DNAI3: variants seen among roughly 807,000 people sequenced by gnomAD.
DNAI3 encodes the protein dynein axonemal intermediate chain 3, also known as WD repeat domain 63.
In DNAI3, 83 loss-of-function variants were observed where a neutral mutation model predicts 115.5. That is an observed-to-expected ratio of 0.72 (90% CI 0.60 to 0.86). The LOEUF (loss-of-function observed/expected upper bound fraction) is 0.86, where lower values mean the gene tolerates loss of function less well. Among genes scored for constraint, DNAI3 ranks in the 40% least tolerant of loss-of-function variants. DNAI3 has a pLI of 0.00. For missense variants in DNAI3, 1,004 were observed against 1,075.8 expected, an observed-to-expected ratio of 0.93 and a Z score of 0.93; for synonymous variants, 320 against 347.0, an observed-to-expected ratio of 0.92 and a Z score of 0.86.
chr1:85,113,897 C>G (rs1156476913), intron 16 of DNAI3, among the ~76,000 whole-genome samples: 1 of 152,024 alleles, frequency 6.6e-6, no homozygotes, highest in Non-Finnish European at 1.5e-5. Context: ...AGGTCTTTCA[C>G]CTCTTTTGAC....
At chr1:85,110,778 A>G (rs899657126) in intron 16 of DNAI3, among the ~76,000 whole-genome samples, 1 of 152,206 alleles carries the variant, frequency 6.6e-6, no homozygotes, top group African/African-American at 2.4e-5. Flanking sequence ...ATGCTATAGG[A>G]TGGAACACAT....
chr1:85,120,238 T>G (rs531801614), intron 17 of DNAI3, among the ~76,000 whole-genome samples: 1 of 152,234 alleles, frequency 6.6e-6, no homozygotes, highest in Non-Finnish European at 1.5e-5. Flanking sequence ...CTACTTTGGA[T>G]AGAGATGTTC....
At position 85,097,831 on chromosome 1, in the gene DNAI3, G is replaced by A. The variant is rs1655169207; in HGVS notation, c.1350+176G>A. ...TGAACATGTTCTGAATCACTTTTAT[G>A]TGGGCCCTTGATTAAAACACAATGA... is the stretch of plus-strand genomic sequence containing the variant. On this transcript the variant is annotated intron_variant, in intron 12 of 22. Transcript: ENST00000294664. Among the ~76,000 whole-genome samples, 4 of 152,036 alleles carry A rather than the reference G, an allele frequency of 2.6e-5. No individual in the cohort carries two copies. The South Asian group carries it at 8.3e-4, about 32-fold the overall frequency.
intron 16 of DNAI3, among the ~76,000 whole-genome samples, chr1:85,115,980 A>G (rs1281620414): frequency 6.6e-6 from 1 of 151,874 alleles, no homozygotes; most frequent in African/African-American, 2.4e-5. Flanking sequence ...AACTCAGCCT[A>G]TTTTCTTGGA....
chr1:85,121,574 T>A (rs756222666), intron 17 of DNAI3, among the ~76,000 whole-genome samples, 177 bp from the exon 18 acceptor site: 1 of 152,254 alleles, frequency 6.6e-6, no homozygotes, highest in Non-Finnish European at 1.5e-5. Context: ...TTCTTCAATA[T>A]AAAATTGAGT....
intron 13 of DNAI3, 119 bp from the exon 14 acceptor site, chr1:85,104,405 G>C: frequency 1.3e-6 from 1 of 788,446 alleles, no homozygotes; most frequent in Non-Finnish European, 2.0e-6. Flanking sequence ...ACAGGCGTGA[G>C]CCACTGCCCC....
At chr1:85,082,704 C>G (rs1325151067) in intron 5 of DNAI3, among the ~76,000 whole-genome samples, 1 of 152,124 alleles carries the variant, frequency 6.6e-6, no homozygotes, top group Non-Finnish European at 1.5e-5. Context: ...GGTACCTCTG[C>G]GGGGATCCCT....
At chr1:85,092,794 TACACAC>T (rs58308443) in intron 8 of DNAI3, among the ~76,000 whole-genome samples, 9,069 of 145,270 alleles carry the variant, frequency 0.062, 323 homozygotes, top group East Asian at 0.2. Flanking sequence ...CAACTAAAAC[TACACAC>T]ACACACACAC....
chr1:85,088,698 T>C (rs150418576), intron 7 of DNAI3, among the ~76,000 whole-genome samples: 18 of 152,266 alleles, frequency 1.2e-4, no homozygotes, highest in African/African-American at 3.6e-4. Context: ...GAAAGCCCAA[T>C]GTTTCGGGCA....
At chr1:85,128,944 T>C in intron 21 of DNAI3, 145 bp downstream of exon 21, 1 of 718,604 alleles carries the variant, frequency 1.4e-6, no homozygotes, top group Non-Finnish European at 2.3e-6. Flanking sequence ...GTATTTCTGT[T>C]GTATGAGTTA....
chr1:85,120,326 G>A (rs1655960862), intron 17 of DNAI3, among the ~76,000 whole-genome samples: 1 of 152,232 alleles, frequency 6.6e-6, no homozygotes, highest in African/African-American at 2.4e-5. Flanking sequence ...AGAGAAGACA[G>A]GCAGGCGGTG....
At chr1:85,120,087 AC>A (rs1301006141) in intron 17 of DNAI3, among the ~76,000 whole-genome samples, 1 of 152,172 alleles carries the variant, frequency 6.6e-6, no homozygotes, top group Non-Finnish European at 1.5e-5. Flanking sequence ...CTCAACAGAT[AC>A]TCACTGCACA....
chr1:85,066,505 T>G (rs897472888), intron 1 of DNAI3, among the ~76,000 whole-genome samples: 6 of 151,888 alleles, frequency 4.0e-5, no homozygotes, highest in African/African-American at 1.5e-4. Flanking sequence ...TTTTTTGTAT[T>G]TTTAATAGAG....
In DNAI3 at chr1:85,096,033, AT is replaced by A. The variant is rs781760173; in HGVS notation, c.1263+20del. 6.2e-7 allele frequency: 1 copy of A among 1,612,166 alleles called. No homozygotes were observed. Among genetic ancestry groups the A allele is most frequent in the Middle Eastern group, 1.7e-4 (1 of 6,054 alleles). On this transcript the variant is annotated intron_variant, in intron 11 of 22. Coordinates refer to ENST00000294664, the MANE Select transcript of DNAI3 (RefSeq NM_145172.5). Reference sequence around the variant, plus strand: ...TATCAATGGGCAGGTACTTAACAGAATTTTTTTCAGCTATGTATTAATGTAG... The same window carrying A: ...TATCAATGGGCAGGTACTTAACAGAATTTTTTCAGCTATGTATTAATGTAG...
chr1:85,108,015 T>C lies in DNAI3; in HGVS notation c.1554-18T>C, dbSNP rs746326948. The C allele has an allele frequency of 1.4e-6, 2 of 1,427,168 alleles. No individual in the cohort carries two copies. Among genetic ancestry groups the C allele is most frequent in the South Asian group, 2.8e-5 (2 of 71,162 alleles). The allele number at this position is 1,427,168 out of a possible 1,614,324, so 88.4% of individuals were successfully genotyped here. On this transcript the variant is annotated intron_variant, in intron 14 of 22. Transcript: ENST00000294664. ...TCTTGTTTGTACTTAATAAAAAATATATATAAATTTTTTTTAGCACAATAT... is the reference window on the plus strand; with the variant it reads ...TCTTGTTTGTACTTAATAAAAAATACATATAAATTTTTTTTAGCACAATAT...
At chr1:85,069,383 CTTTA>C (rs1230335990) in intron 1 of DNAI3, among the ~76,000 whole-genome samples, 1 of 151,504 alleles carries the variant, frequency 6.6e-6, no homozygotes, top group African/African-American at 2.4e-5. Context: ...TATTTTCCTC[CTTTA>C]TTTGTTTATT....
chr1:85,072,320 T>TA lies in DNAI3; in HGVS notation c.64+316dup, dbSNP rs566796574. 3.3e-5 allele frequency among the ~76,000 whole-genome samples: 5 copies of TA among 152,320 alleles called. No individual in the cohort carries two copies. The South Asian group carries it at 8.3e-4, about 25-fold the overall frequency. Reference sequence around the variant, plus strand: ...TAAGTCTTCATTGTATATTTGCACTTATATTTTGTGTTTTGAGGTTTGGTA... The same window carrying TA: ...TAAGTCTTCATTGTATATTTGCACTTAATATTTTGTGTTTTGAGGTTTGGTA... On this transcript the variant is annotated intron_variant, in intron 2 of 22. Transcript: ENST00000294664.
Position 85,126,668 on chromosome 1 carries a change from AC to A in DNAI3, c.2271del (p.Asn757LysfsTer4). The A allele has an allele frequency of 6.2e-7, 1 of 1,614,164 alleles. No individual in the cohort carries two copies. The highest frequency in any genetic ancestry group is 8.5e-7 in the Non-Finnish European group (1 of 1,180,016). ...EKTHEPAQSQ[N>X]ICITMITYIK... is the part of the protein sequence containing the mutation. ...ACCCATGAACCAGCCCAGTCTCAAA[AC>A]ATTTGCATAACTATGATCACCTACA... On this transcript the variant is annotated frameshift_variant, in exon 20 of 23. Coordinates refer to ENST00000294664, the MANE Select transcript of DNAI3 (RefSeq NM_145172.5). LOFTEE classifies it high-confidence loss of function.
intron 3 of DNAI3, among the ~76,000 whole-genome samples, chr1:85,076,666 C>G (rs1045738631): frequency 6.6e-6 from 1 of 152,118 alleles, no homozygotes; most frequent in African/African-American, 2.4e-5. Flanking sequence ...TCTCATGAGA[C>G]TTATTCACTA....
Sources: allele counts gnomAD v4.1 joint callset (sites outside exome capture counted in the v4.1 genomes callset), GRCh38; gene constraint gnomAD v4.1.1; transcripts MANE v1.5; gene names NCBI Gene and HGNC (gene_info 2026-07-23, HGNC 2026-07-21).